The following EEF1B2 variants were observed in gnomAD, a reference collection of about 807,000 sequenced individuals.
The protein encoded by EEF1B2 is eukaryotic translation elongation factor 1 beta 2, also known as elongation factor 1-beta.
EEF1B2 carries 12 observed loss-of-function variants against 28.3 expected under a neutral mutation model. The observed-to-expected ratio is 0.42, with a 90% confidence interval of 0.27 to 0.69. The LOEUF (loss-of-function observed/expected upper bound fraction) is 0.69. Among genes scored for constraint, EEF1B2 ranks in the 30% least tolerant of loss-of-function variants. The pLI is 0.22. For missense variants in EEF1B2, 234 were observed against 272.6 expected (o/e 0.86, Z 1.00); for synonymous variants, 83 against 99.9 (o/e 0.83, Z 1.01).
chr2:206,160,115 G>T, intron 1 of EEF1B2, 56 bp downstream of exon 1: 1 of 1,582,828 alleles, frequency 6.3e-7, no homozygotes, highest in Non-Finnish European at 8.6e-7. Context: ...CGGGGCCGGG[G>T]CCACGTGGCG....
chr2:206,159,631 G>A (rs1253815990), upstream of EEF1B2: 1 of 232,644 alleles, frequency 4.3e-6, no homozygotes, highest in Non-Finnish European at 8.4e-6. Flanking sequence ...GGGCGTCTTC[G>A]GTCATCTCCG....
intron 4 of EEF1B2, 77 bp downstream of exon 4, chr2:206,162,181 C>G: frequency 7.1e-7 from 1 of 1,409,606 alleles, no homozygotes; most frequent in Non-Finnish European, 1.0e-6. Flanking sequence ...AAGTAATTTC[C>G]TCCACATTCC....
chr2:206,159,863 T>C (rs1687845908), upstream of EEF1B2: 1 of 1,185,952 alleles, frequency 8.4e-7, no homozygotes, highest in South Asian at 1.5e-5. Flanking sequence ...CGCCTCCGTC[T>C]CTATATAAGG....
intron 2 of EEF1B2, 28 bp downstream of exon 2, chr2:206,160,738 G>A (rs991265567): frequency 6.2e-7 from 1 of 1,613,870 alleles, no homozygotes; most frequent in Admixed American, 1.7e-5. Context: ...TAGAGCTGAA[G>A]AATAAGACTG....
chr2:206,162,262 T>A, intron 4 of EEF1B2, 158 bp downstream of exon 4: 1 of 1,072,002 alleles, frequency 9.3e-7, no homozygotes, highest in Non-Finnish European at 1.5e-6. Flanking sequence ...GTTCTTATGG[T>A]AGCAGTTGTG....
rs769634102 is a variant in EEF1B2 at position 206,161,489 on chromosome 2, A to G, written c.330+17A>G. The G allele has an allele frequency of 3.7e-6, 6 of 1,612,964 alleles. No individual in the cohort carries two copies. The African/African-American group carries it at 8.0e-5, about 22-fold the overall frequency. On this transcript the variant is annotated intron_variant, in intron 3 of 5. Transcript: ENST00000392222. ...GATGAGGAGGTATGGCGTCTTCTAT[A>G]AAGAACATATCGGCCAGGCGCAGTG... is the stretch of plus-strand genomic sequence containing the variant.
chr2:206,161,981 G>C lies in EEF1B2; in HGVS notation c.331-57G>C, dbSNP rs777031865. On this transcript the variant is annotated intron_variant, in intron 3 of 5. Transcript: ENST00000392222. The stretch of plus-strand genomic sequence containing the variant: ...AGTCTTTTTTGTGATGACCCCACTA[G>C]CTTTAAGCAGAGGAACAACCAGCTT... The C allele has an allele frequency of 2.0e-6, 3 of 1,489,900 alleles. No individual in the cohort carries two copies. In the South Asian group the frequency reaches 3.4e-5, roughly 17 times the overall value. 92.3% of individuals were successfully genotyped at this position (1,489,900 alleles called of 1,614,324 possible).
chr2:206,160,125 G>T, intron 1 of EEF1B2, 66 bp downstream of exon 1: 3 of 1,569,360 alleles, frequency 1.9e-6, no homozygotes, highest in South Asian at 1.1e-5. Flanking sequence ...GCCACGTGGC[G>T]CAGCGTGTCG....
At position 206,159,993 on chromosome 2, in the gene EEF1B2, A is replaced by C; in HGVS notation, c.14A>C (p.Asp5Ala). The C allele has an allele frequency of 6.2e-7, 1 of 1,612,606 alleles. No individual in the cohort carries two copies. Among genetic ancestry groups the C allele is most frequent in the South Asian group, 1.1e-5 (1 of 91,010 alleles). Residue 5 changes from aspartate (D) to alanine (A), a missense_variant, in exon 1 of 6, where the codon GAC (aspartate) becomes GCC (alanine). Asp to Ala is a moderately radical substitution (Grantham distance 126). This residue lies in a region of EEF1B2 where 178 missense variants were observed against 173.3 expected (regional missense o/e 1.03). Coordinates refer to ENST00000392222, the MANE Select transcript of EEF1B2 (RefSeq NM_001959.4). MGFGDLKSPAGLQVL... is the reference protein window; with the variant it reads MGFGALKSPAGLQVL... Reference sequence around the variant, plus strand: ...ACAGCCGACACCATGGGTTTCGGAGACCTGAAAAGCCCTGCCGGCCTCCAG... The same window carrying C: ...ACAGCCGACACCATGGGTTTCGGAGCCCTGAAAAGCCCTGCCGGCCTCCAG...
At chr2:206,161,527 A>G (rs1439482844) in intron 3 of EEF1B2, 55 bp downstream of exon 3, 1 of 1,604,014 alleles carries the variant, frequency 6.2e-7, no homozygotes, top group Non-Finnish European at 8.5e-7. Flanking sequence ...TCATGCCTGT[A>G]ATCCCAGCAT....
intron 2 of EEF1B2, chr2:206,161,071 G>A (rs548612393): frequency 1.7e-6 from 1 of 580,376 alleles, no homozygotes; most frequent in African/African-American, 1.9e-5. Context: ...CACTAAGAAT[G>A]GAACTGAGCA....
intron 3 of EEF1B2, chr2:206,161,714 G>A: frequency 1.9e-6 from 1 of 539,150 alleles, no homozygotes; most frequent in Non-Finnish European, 3.3e-6. Flanking sequence ...AGGTTGCAGT[G>A]AGCCAAGATC....
chr2:206,162,645 A>C, intron 5 of EEF1B2, 31 bp downstream of exon 5: 1 of 1,589,498 alleles, frequency 6.3e-7, no homozygotes, highest in South Asian at 1.2e-5. Flanking sequence ...TTTTTTTTTG[A>C]AACTAACATC....
At chr2:206,160,110 C>T (rs940860137) in intron 1 of EEF1B2, 51 bp downstream of exon 1, 3 of 1,589,240 alleles carry the variant, frequency 1.9e-6, no homozygotes, top group East Asian at 2.3e-5. Context: ...CCGCCCGGGG[C>T]CGGGGCCACG....
intron 3 of EEF1B2, chr2:206,161,746 G>A: frequency 1.9e-6 from 1 of 539,978 alleles, no homozygotes; most frequent in African/African-American, 2.0e-5. Flanking sequence ...TCCAGCCTGG[G>A]CGACAGAGCG....
rs754727138 is a variant in EEF1B2 at position 206,161,385 on chromosome 2, T to G, written c.243T>G (p.Pro81=). 51 of 1,614,068 alleles carry G rather than the reference T, an allele frequency of 3.2e-5. No individual in the cohort carries two copies. The highest frequency in any genetic ancestry group is 4.0e-5 in the Non-Finnish European group (47 of 1,180,028). Residue 81 remains proline, a synonymous_variant, in exon 3 of 6, where the codon CCT becomes CCG. Transcript: ENST00000392222. ...GVKKALGKYG[P]ADVEDTTGSG... is the part of the protein sequence containing the mutation. ...AGAAAGCTTTGGGCAAATATGGTCC[T>G]GCCGATGTGGAAGACACTACAGGAA...
chr2:206,161,279 A>G, intron 2 of EEF1B2, 67 bp from the exon 3 acceptor site: 2 of 1,595,222 alleles, frequency 1.3e-6, no homozygotes, highest in South Asian at 2.3e-5. Context: ...AAAACAAGTT[A>G]TTTTGTATTT....
intron 4 of EEF1B2, 66 bp downstream of exon 4, chr2:206,162,170 G>A (rs991534133): frequency 6.7e-7 from 1 of 1,502,222 alleles, no homozygotes; most frequent in African/African-American, 1.4e-5. Flanking sequence ...GCTTGACCTT[G>A]AAGTAATTTC....
At position 206,160,637 on chromosome 2, in the gene EEF1B2, C is replaced by T. The variant is rs760848609; in HGVS notation, c.130C>T (p.Pro44Ser). 1 of 1,614,030 alleles carries T rather than the reference C, an allele frequency of 6.2e-7. No homozygotes were observed. Among genetic ancestry groups the T allele is most frequent in the South Asian group, 1.1e-5 (1 of 91,080 alleles). The part of the protein sequence containing the change: ...DVAVFEAVSS[P>S]PPADLCHALR... Reference sequence around the variant, plus strand: ...GGCAGTATTTGAAGCCGTGTCCAGCCCACCGCCTGCCGACTTGTGTCATGC... The same window carrying T: ...GGCAGTATTTGAAGCCGTGTCCAGCTCACCGCCTGCCGACTTGTGTCATGC... Residue 44 changes from proline to serine, a missense_variant, in exon 2 of 6, where the codon CCA (proline) becomes TCA (serine). By Grantham distance (74) the Pro-to-Ser change is moderately conservative (BLOSUM62 -1). Transcript: ENST00000392222.
Sources: gnomAD v4.1 joint callset for allele counts on GRCh38, gnomAD v4.1.1 for gene constraint, gnomAD v4.1.1 regional missense constraint, MANE v1.5 for transcripts, NCBI Gene and HGNC (gene_info 2026-07-23, HGNC 2026-07-21) for gene names.